Variants in ZNF28 observed in about 807,000 individuals in gnomAD.
ZNF28 encodes the protein zinc finger protein 28, also known as zinc finger protein KOX24.
In ZNF28, 5 loss-of-function variants were observed where a neutral mutation model predicts 7.2. The observed-to-expected ratio is 0.70, with a 90% confidence interval of 0.36 to 1.46. ZNF28 has a LOEUF of 1.46. Among genes scored for constraint, ZNF28 ranks in the 40% most tolerant of loss-of-function variants. The pLI is 0.03. For missense variants in ZNF28, 879 were observed against 866.6 expected (o/e 1.01, Z -0.18); for synonymous variants, 288 against 292.4 (o/e 0.99, Z 0.15).
intron 2 of ZNF28, chr19:52,810,286 A>AG: frequency 6.8e-7 from 1 of 1,479,156 alleles, no homozygotes; most frequent in East Asian, 2.3e-5. Context: ...TCCATTGAGG[A>AG]GAAGATGGAG....
rs144116646 is a variant in ZNF28, at chr19:52,807,909, C to T, written c.142+98G>A. The T allele has an allele frequency of 3.8e-4, 586 of 1,560,912 alleles. 8 individuals are homozygous for T. In the East Asian group the frequency reaches 0.01, roughly 27 times the overall value. On this transcript the variant is annotated intron_variant, in intron 3 of 3. Coordinates refer to ENST00000457749, the MANE Select transcript of ZNF28 (RefSeq NM_006969.5). ...GAAGCTTTTCATTTCAAAATCAATACGGCTTCCATTTTAGTCAAGTAAGGA... is the reference window on the plus strand; with the variant it reads ...GAAGCTTTTCATTTCAAAATCAATATGGCTTCCATTTTAGTCAAGTAAGGA...
intron 2 of ZNF28, among the ~76,000 whole-genome samples, chr19:52,815,922 A>C (rs2063118626): frequency 6.8e-6 from 1 of 147,462 alleles, no homozygotes; most frequent in Non-Finnish European, 1.5e-5. Context: ...CTCTGTAACA[A>C]ACCTTCACAT....
At chr19:52,817,107 T>G (rs2063135966) in intron 2 of ZNF28, among the ~76,000 whole-genome samples, 1 of 152,158 alleles carries the variant, frequency 6.6e-6, no homozygotes, top group East Asian at 1.9e-4. Flanking sequence ...GAACGGTGGC[T>G]CACGCTTGTA....
At chr19:52,810,131 C>T (rs999299717) in intron 2 of ZNF28, 2 of 863,872 alleles carry the variant, frequency 2.3e-6, no homozygotes, top group South Asian at 1.3e-5. Context: ...CGGGACTGGT[C>T]GAGGGTGACC....
At chr19:52,820,533 TA>T (rs558660801) in intron 1 of ZNF28, among the ~76,000 whole-genome samples, 47 of 152,190 alleles carry the variant, frequency 3.1e-4, no homozygotes, top group African/African-American at 9.9e-4. Context: ...TTCTCTGTTA[TA>T]ACCCCCTGGA....
In ZNF28 at chr19:52,799,772, G is replaced by T. The variant is rs111678182; in HGVS notation, c.2073C>A (p.Tyr691Ter). The change falls in exon 4 of 4, where the codon TAC (tyrosine) becomes TAA (stop). Residue 691 changes from tyrosine to a stop codon, truncating the protein, a stop_gained. Transcript: ENST00000457749. LOFTEE classifies it low-confidence loss of function (END_TRUNC). Reference sequence around the variant, plus strand: ...AGGTCTTGCCACACTCATTACACTTGTAAGGTTTCTCTCCAGTATGAACTC... The same window carrying T: ...AGGTCTTGCCACACTCATTACACTTTTAAGGTTTCTCTCCAGTATGAACTC... ...HQRVHTGEKP[Y>*]KCNECGKTFS... 1 of 1,613,930 alleles carries T rather than the reference G, an allele frequency of 6.2e-7. No individual in the cohort carries two copies. The highest frequency in any genetic ancestry group is 8.5e-7 in the Non-Finnish European group (1 of 1,179,942).
At chr19:52,817,241 G>C (rs184687510) in intron 2 of ZNF28, among the ~76,000 whole-genome samples, 1 of 152,006 alleles carries the variant, frequency 6.6e-6, no homozygotes, top group Admixed American at 6.6e-5. Flanking sequence ...GCATGGTGGC[G>C]CATGCTTGTA....
chr19:52,818,375 G>A (rs1211827088), intron 1 of ZNF28, among the ~76,000 whole-genome samples: 2 of 152,096 alleles, frequency 1.3e-5, no homozygotes, highest in South Asian at 2.1e-4. Flanking sequence ...TCAGAAGTTC[G>A]AGACCAGCCT....
chr19:52,808,235 G>T, intron 2 of ZNF28, 102 bp from the exon 3 acceptor site: 1 of 1,542,532 alleles, frequency 6.5e-7, no homozygotes, highest in Admixed American at 2.1e-5. Context: ...TGTAGTGAAT[G>T]TTCTCACAAA....
intron 3 of ZNF28, among the ~76,000 whole-genome samples, chr19:52,802,030 A>C (rs2062878920): frequency 6.6e-6 from 1 of 152,208 alleles, no homozygotes; most frequent in South Asian, 2.1e-4. Context: ...ATCACATCAA[A>C]AAAAGAAAAA....
chr19:52,803,177 C>T (rs1022679549), intron 3 of ZNF28, among the ~76,000 whole-genome samples: 3 of 152,156 alleles, frequency 2.0e-5, no homozygotes, highest in African/African-American at 7.2e-5. Context: ...CCTTGGGGTT[C>T]ATGTGAGTCT....
Position 52,811,238 on chromosome 19 carries a change from A to G in ZNF28, c.16-3105T>C, listed in dbSNP as rs983682930. ...GAGTGCAGCGGCGTGATCTCGGCTC[A>G]CTACAACCTCCACCTCCCAGCCGCC... On this transcript the variant is annotated intron_variant, in intron 2 of 3. Transcript: ENST00000457749. Among the ~76,000 whole-genome samples, 1,438 of 151,354 alleles carry G rather than the reference A, an allele frequency of 9.5e-3. 10 individuals are homozygous for G. The highest frequency in any genetic ancestry group is 0.013 in the Non-Finnish European group (855 of 67,696).
intron 2 of ZNF28, among the ~76,000 whole-genome samples, chr19:52,813,162 T>C (rs917028975): frequency 1.3e-5 from 2 of 150,054 alleles, no homozygotes; most frequent in Non-Finnish European, 3.0e-5. Flanking sequence ...CTCATAGTAA[T>C]TGCTTATCTG....
rs2063007248 is a variant in ZNF28, at chr19:52,810,578, G to A, written c.16-2445C>T. On this transcript the variant is annotated intron_variant, in intron 2 of 3. Coordinates refer to ENST00000457749, the MANE Select transcript of ZNF28 (RefSeq NM_006969.5). ...CACAACAGACCGGGGTCTTCCACGA[G>A]CCCGCTACCGCGCCCGACCACCAAC... The A allele has an allele frequency of 2.5e-6, 4 of 1,589,578 alleles. No homozygotes were observed. The Admixed American group carries it at 5.0e-5, about 20-fold the overall frequency.
Position 52,801,458 on chromosome 19 carries a change from C to G in ZNF28, c.387G>C (p.Arg129Ser), listed in dbSNP as rs2062869734. ...LTGSTGQHDQ[R>S]HAGNKHIKDQ... ...CTTTAATATGCTTGTTTCCAGCATG[C>G]CTTTGATCATGTTGGCCTGTACTAC... The change falls in exon 4 of 4, where the codon AGG (arginine) becomes AGC (serine). Residue 129 changes from arginine to serine, a missense_variant. Around this residue, in one of 2 missense-constraint regions of ZNF28, gnomAD observed 864 missense variants for 830.2 expected, o/e 1.04. Coordinates refer to ENST00000457749, the MANE Select transcript of ZNF28 (RefSeq NM_006969.5). The G allele has an allele frequency of 6.2e-7, 1 of 1,614,144 alleles. No homozygotes were observed. The highest frequency in any genetic ancestry group is 8.5e-7 in the Non-Finnish European group (1 of 1,180,026).
Position 52,808,047 on chromosome 19 carries a change from C to T in ZNF28, c.102G>A (p.Arg34=). 3 of 1,613,558 alleles carry T rather than the reference C, an allele frequency of 1.9e-6. No individual in the cohort carries two copies. The highest frequency in any genetic ancestry group is 1.7e-6 in the Non-Finnish European group (2 of 1,179,590). ...CLDPAQRTLY[R]DVMLENYRNL... ...TCCTATAATTCTCCAGCATCACATC[C>T]CTGTAAAGAGTCCTCTGAGCAGGGT... The change falls in exon 3 of 4, where the codon AGG becomes AGA. Residue 34 remains arginine, a synonymous_variant. Transcript: ENST00000457749.
In ZNF28 at chr19:52,812,067, G is replaced by A. The variant is rs1230020534; in HGVS notation, c.16-3934C>T. Among the ~76,000 whole-genome samples the A allele has an allele frequency of 2.3e-3, 170 of 74,068 alleles. 12 individuals carry two copies. Among genetic ancestry groups the A allele is most frequent in the African/African-American group, 0.012 (156 of 12,504 alleles). The allele number at this position is 74,068 out of a possible 152,430, so 48.6% of individuals were successfully genotyped here. A position where few individuals can be genotyped will look rare whatever the true frequency, so the allele number is the denominator to read the frequency against. ...CCGCCCTATCCAGGAGGTGAGGGGC[G>A]CCTCTGCCCGGCCGCCCCTACTGGG... On this transcript the variant is annotated intron_variant, in intron 2 of 3. Transcript: ENST00000457749.
intron 2 of ZNF28, among the ~76,000 whole-genome samples, chr19:52,808,750 T>C (rs925691691): frequency 2.6e-5 from 4 of 151,466 alleles, no homozygotes; most frequent in African/African-American, 7.3e-5. Context: ...AGGGTGGAGG[T>C]TGCAGTGAGC....
chr19:52,810,862 C>T (rs1462388223), intron 2 of ZNF28, among the ~76,000 whole-genome samples: 87 of 1,226 alleles, frequency 0.071, 2 homozygotes, highest in African/African-American at 0.18. Context: ...TCCCTCTCCC[C>T]CTCCCCCTCC....
Sources: gnomAD v4.1 joint callset for allele counts (sites outside exome capture counted in the v4.1 genomes callset) on GRCh38, gnomAD v4.1.1 for gene constraint, gnomAD v4.1.1 regional missense constraint, MANE v1.5 for transcripts, NCBI Gene and HGNC (gene_info 2026-07-23, HGNC 2026-07-21) for gene names.